The following ST6GALNAC1 variants were observed in gnomAD, a reference collection of about 807,000 sequenced individuals.
The protein encoded by ST6GALNAC1 is ST6 N-acetylgalactosaminide alpha-2,6-sialyltransferase 1.
Under a neutral mutation model 56.8 loss-of-function variants are expected in ST6GALNAC1, and 45 were observed. The observed-to-expected ratio is 0.79, with a 90% CI of 0.62 to 1.02. The LOEUF is 1.02. ST6GALNAC1 is among the 50% of genes least tolerant of loss of function. ST6GALNAC1 has a pLI of 0.00. For synonymous variants in ST6GALNAC1, 295 were observed against 297.8 expected, an observed-to-expected ratio of 0.99 and a Z score of 0.10; for missense variants, 743 against 754.8, an observed-to-expected ratio of 0.98 and a Z score of 0.18.
At chr17:76,618,396 G>A in the ST6GALNAC1 span, among the ~76,000 whole-genome samples, 1 of 152,042 alleles carries the variant, frequency 6.6e-6, no homozygotes, top group African/African-American at 2.4e-5. Context: ...ACCATCTGGA[G>A]GACAGAAAAA....
intron 4 of ST6GALNAC1, 93 bp downstream of exon 4, chr17:76,626,974 A>C: frequency 2.4e-6 from 3 of 1,268,430 alleles, no homozygotes; most frequent in South Asian, 2.8e-5. Context: ...AGAAGAGTCC[A>C]TGTCTGCAGA....
At chr17:76,634,142 T>C (rs1244760818) in intron 1 of ST6GALNAC1, among the ~76,000 whole-genome samples, 2 of 152,220 alleles carry the variant, frequency 1.3e-5, no homozygotes, top group Non-Finnish European at 2.9e-5. Flanking sequence ...CGGAAGTGGC[T>C]GCAGGTGAGT....
chr17:76,628,901 A>G, intron 2 of ST6GALNAC1, 111 bp downstream of exon 2: 2 of 1,021,958 alleles, frequency 2.0e-6, no homozygotes, highest in South Asian at 1.6e-5. Context: ...GCAGGACAAG[A>G]CAAAGTCTAG....
intron 1 of ST6GALNAC1, among the ~76,000 whole-genome samples, chr17:76,639,258 A>G (rs1454899697): frequency 1.3e-5 from 2 of 152,132 alleles, no homozygotes; most frequent in Admixed American, 1.3e-4. Flanking sequence ...GGCCCTGTTC[A>G]TAGCACTGAG....
intron 1 of ST6GALNAC1, among the ~76,000 whole-genome samples, chr17:76,636,624 C>G (rs933317137): frequency 1.3e-5 from 2 of 152,116 alleles, no homozygotes; most frequent in South Asian, 4.1e-4. Flanking sequence ...AAAGTCCTCC[C>G]GCCCGGCCAG....
At chr17:76,640,515 C>G (rs75900566) in intron 1 of ST6GALNAC1, among the ~76,000 whole-genome samples, 4,134 of 152,268 alleles carry the variant, frequency 0.027, 188 homozygotes, top group African/African-American at 0.094. Flanking sequence ...CTCTGAGTTT[C>G]TCTCCTCCCC....
chr17:76,621,978 A>G (rs1175834102), downstream of ST6GALNAC1, among the ~76,000 whole-genome samples: 1 of 111,234 alleles, frequency 9.0e-6, no homozygotes, highest in Non-Finnish European at 2.0e-5. Flanking sequence ...GTTTTTGTTT[A>G]ATAGAGACCA....
At chr17:76,625,683 G>T in intron 8 of ST6GALNAC1, 136 bp downstream of exon 8, 1 of 1,130,090 alleles carries the variant, frequency 8.8e-7, no homozygotes, top group Non-Finnish European at 1.2e-6. Context: ...ATAACTGCAT[G>T]CACCCATACT....
chr17:76,630,160 G>A (rs1182774229), intron 1 of ST6GALNAC1, among the ~76,000 whole-genome samples: 5 of 152,136 alleles, frequency 3.3e-5, no homozygotes, highest in African/African-American at 4.8e-5. Flanking sequence ...CATCTCATCC[G>A]ACAAACGTTT....
intron 1 of ST6GALNAC1, among the ~76,000 whole-genome samples, chr17:76,634,811 G>T (rs1290871619): frequency 6.6e-6 from 1 of 152,096 alleles, no homozygotes; most frequent in South Asian, 2.1e-4. Context: ...TTGAACTCGG[G>T]AGGCAGAGGT....
Position 76,629,136 on chromosome 17 carries a change from GGTGGGGTGGC to G in ST6GALNAC1, c.697_706del (p.Ala233ProfsTer16). The G allele has an allele frequency of 6.2e-7, 1 of 1,613,820 alleles. No homozygotes were observed. The highest frequency in any genetic ancestry group is 1.3e-5 in the African/African-American group (1 of 75,012). On this transcript the variant is annotated frameshift_variant, in exon 2 of 9. Coordinates refer to ENST00000156626, the MANE Select transcript of ST6GALNAC1 (RefSeq NM_018414.5). LOFTEE classifies it high-confidence loss of function. The stretch of plus-strand genomic sequence containing the variant: ...CGTGGGGCTCTGGAAAGGGGCAGGG[GGTGGGGTGGC>G]CTGAGGTTTCTTCTCCTTAGGTGGG...
intron 1 of ST6GALNAC1, among the ~76,000 whole-genome samples, chr17:76,639,690 C>T (rs1450628302): frequency 9.6e-6 from 1 of 103,728 alleles, no homozygotes; most frequent in Non-Finnish European, 2.2e-5. Flanking sequence ...CACACACACA[C>T]ACACACTAGG....
In ST6GALNAC1 at chr17:76,629,594, G is replaced by T. The variant is rs1598295874; in HGVS notation, c.249C>A (p.Asn83Lys). The change falls in exon 2 of 9, where the codon AAC (asparagine) becomes AAA (lysine). Residue 83 changes from asparagine to lysine, a missense_variant. Asn to Lys is a moderately conservative substitution (Grantham distance 94, BLOSUM62 0). Transcript: ENST00000156626. ...GCTGGGTTTGTGTGTTGAGGGCATT[G>T]TTCTCTGGCACTGGCTCTGCATAGA... ...TTIYAEPVPENNALNTQTQPK... is the reference protein window; with the variant it reads ...TTIYAEPVPEKNALNTQTQPK... 6.2e-7 allele frequency: 1 copy of T among 1,613,688 alleles called. No individual in the cohort carries two copies. The highest frequency in any genetic ancestry group is 2.2e-5 in the East Asian group (1 of 44,870).
At chr17:76,642,329 C>T (rs576725174) in intron 1 of ST6GALNAC1, among the ~76,000 whole-genome samples, 46 of 152,016 alleles carry the variant, frequency 3.0e-4, no homozygotes, top group Non-Finnish European at 5.9e-4. Flanking sequence ...TTGGCCCTGC[C>T]GCATACTAGC....
intron 2 of ST6GALNAC1, among the ~76,000 whole-genome samples, chr17:76,628,254 C>CCCTT (rs1253866534): frequency 2.8e-5 from 2 of 72,218 alleles, no homozygotes; most frequent in Non-Finnish European, 5.9e-5. Flanking sequence ...CTCCCTCCCT[C>CCCTT]CCTCCCTCCC....
Position 76,626,057 on chromosome 17 carries a change from A to C in ST6GALNAC1, c.1454T>G (p.Met485Arg). The C allele has an allele frequency of 6.2e-7, 1 of 1,614,124 alleles. No homozygotes were observed. The highest frequency in any genetic ancestry group is 8.5e-7 in the Non-Finnish European group (1 of 1,180,006). The change falls in exon 7 of 9, where the codon ATG (methionine) becomes AGG (arginine). Residue 485 changes from methionine (M) to arginine (R), a missense_variant. By Grantham distance (91) the Met-to-Arg change is moderately conservative. Coordinates refer to ENST00000156626, the MANE Select transcript of ST6GALNAC1 (RefSeq NM_018414.5). ...PQEAFREALHMDRYLLLHPDF... is the reference protein window; with the variant it reads ...PQEAFREALHRDRYLLLHPDF... ...TGGGTGCAGCAACAGGTACCTGTCC[A>C]TGTGCAGGGCTTCCCGAAAAGCTTC...
intron 1 of ST6GALNAC1, among the ~76,000 whole-genome samples, chr17:76,639,773 G>A (rs1047624891): frequency 6.6e-6 from 1 of 151,630 alleles, no homozygotes; most frequent in Admixed American, 6.6e-5. Context: ...GGCTGCTGGA[G>A]GTAGGGAGTG....
intron 1 of ST6GALNAC1, among the ~76,000 whole-genome samples, chr17:76,634,554 A>ACC (rs1396931216): frequency 1.4e-5 from 2 of 147,388 alleles, no homozygotes; most frequent in Non-Finnish European, 3.0e-5. Flanking sequence ...TGAGATAGAA[A>ACC]CCAGCCATTC....
chr17:76,629,398 C>T lies in ST6GALNAC1; in HGVS notation c.445G>A (p.Gly149Ser), dbSNP rs2075860041. 6.2e-7 allele frequency: 1 copy of T among 1,614,168 alleles called. No homozygotes were observed. The highest frequency in any genetic ancestry group is 8.5e-7 in the Non-Finnish European group (1 of 1,180,024). Residue 149 changes from glycine to serine, a missense_variant, in exon 2 of 9, where the codon GGC (glycine) becomes AGC (serine). Transcript: ENST00000156626. ...TTCCATGATTGTGCCTCTGTCCTGCCAGAGGCCATCCCTGCATCTTGCCCT... is the reference window on the plus strand; with the variant it reads ...TTCCATGATTGTGCCTCTGTCCTGCTAGAGGCCATCCCTGCATCTTGCCCT... The part of the protein sequence containing the change: ...PRGQDAGMAS[G>S]RTEAQSWKSQ...
Sources: allele counts gnomAD v4.1 joint callset (sites outside exome capture counted in the v4.1 genomes callset), GRCh38; gene constraint gnomAD v4.1.1; transcripts MANE v1.5; gene names NCBI Gene and HGNC (gene_info 2026-07-23, HGNC 2026-07-21).